CD59: variants seen among roughly 807,000 people sequenced by gnomAD.
The protein encoded by CD59 is CD59 molecule (CD59 blood group).
Under a neutral mutation model 7.0 loss-of-function variants are expected in CD59, and 3 were observed. The ratio of observed to expected loss-of-function variants is 0.43; its 90% CI spans 0.19 to 1.10. The LOEUF (loss-of-function observed/expected upper bound fraction) is 1.10, where lower values mean the gene tolerates loss of function less well. Among genes scored for constraint, CD59 ranks in the 50% least tolerant of loss-of-function variants. CD59 has a pLI of 0.29. For missense variants in CD59, 143 were observed against 151.0 expected, an observed-to-expected ratio of 0.95 and a Z score of 0.28; for synonymous variants, 60 against 62.0, an observed-to-expected ratio of 0.97 and a Z score of 0.15.
rs546978557 is a variant in CD59 at position 33,705,569 on chromosome 11, C to A, written c.*4557G>T. Reference sequence around the variant, plus strand: ...GCACCAGTGGGTTGGTTGCCAGGGGCTCTTGGGCCTTTGGCCACAGACTGA... The same window carrying A: ...GCACCAGTGGGTTGGTTGCCAGGGGATCTTGGGCCTTTGGCCACAGACTGA... On this transcript the variant is annotated 3_prime_UTR_variant, in exon 4 of 4. Transcript: ENST00000642928. 6.6e-6 allele frequency: 1 copy of A among 152,396 alleles called. No individual in the cohort carries two copies. Among genetic ancestry groups the A allele is most frequent in the South Asian group, 2.0e-4 (1 of 4,884 alleles). 9.4% of individuals were successfully genotyped at this position (152,396 alleles called of 1,614,324 possible). A position where few individuals can be genotyped will look rare whatever the true frequency, so the allele number is the denominator to read the frequency against.
rs1417403839 is a variant in CD59, at chr11:33,708,828, A to G, written c.*1298T>C. ...CCATAACCACATTCACCCACTTGTT[A>G]TATTTCATTTTCAGAAAAGCATCAT... is the stretch of plus-strand genomic sequence containing the variant. On this transcript the variant is annotated 3_prime_UTR_variant, in exon 4 of 4. Transcript: ENST00000642928. 6.6e-6 allele frequency: 1 copy of G among 152,190 alleles called. No individual in the cohort carries two copies. Among genetic ancestry groups the G allele is most frequent in the African/African-American group, 2.4e-5 (1 of 41,456 alleles). The allele number at this position is 152,190 out of a possible 1,614,324, so 9.4% of individuals were successfully genotyped here. A position where few individuals can be genotyped will look rare whatever the true frequency, so the allele number is the denominator to read the frequency against.
chr11:33,706,756 G>A lies in CD59; in HGVS notation c.*3370C>T, dbSNP rs1239746898. The stretch of plus-strand genomic sequence containing the variant: ...TCTGTTTACAGGAAGGCCTAACTAC[G>A]TCCTGTTCACCTCATGCTATTGGGT... On this transcript the variant is annotated 3_prime_UTR_variant, in exon 4 of 4. Transcript: ENST00000642928. 5 of 152,156 alleles carry A rather than the reference G, an allele frequency of 3.3e-5. No homozygotes were observed. In the East Asian group the frequency reaches 7.7e-4, roughly 23 times the overall value. The allele number at this position is 152,156 out of a possible 1,614,324, so 9.4% of individuals were successfully genotyped here. A position where few individuals can be genotyped will look rare whatever the true frequency, so the allele number is the denominator to read the frequency against.
chr11:33,722,473 A>C lies in CD59; in HGVS notation c.-18-10T>G. 1 of 1,613,430 alleles carries C rather than the reference A, an allele frequency of 6.2e-7. No homozygotes were observed. Among genetic ancestry groups the C allele is most frequent in the Non-Finnish European group, 8.5e-7 (1 of 1,179,588 alleles). ...TGATTGTCCACAGAACCTGGAAGGA[A>C]GGGACAGGAAGGAATGTCAGGAACG... On this transcript the variant is annotated splice_polypyrimidine_tract_variant and intron_variant, in intron 1 of 3. Transcript: ENST00000642928.
chr11:33,735,563 G>C (rs1854542186), intron 1 of CD59, among the ~76,000 whole-genome samples: 2 of 152,164 alleles, frequency 1.3e-5, no homozygotes, highest in South Asian at 4.1e-4. Flanking sequence ...TCAGCAGTCA[G>C]ACTCTAAGAA....
chr11:33,731,352 G>A (rs938297344), intron 1 of CD59: 1 of 151,628 alleles, frequency 6.6e-6, no homozygotes, highest in Non-Finnish European at 1.5e-5. Flanking sequence ...CAAAGAAATT[G>A]AACATAAAAC....
chr11:33,722,601 G>C, intron 1 of CD59, 138 bp from the exon 2 acceptor site: 2 of 1,519,494 alleles, frequency 1.3e-6, no homozygotes, highest in Non-Finnish European at 1.8e-6. Flanking sequence ...GAATCCCTGG[G>C]CCATGCCCCA....
At chr11:33,710,462 C>T (rs1476019851) in intron 3 of CD59, 119 bp from the exon 4 acceptor site, 3 of 795,518 alleles carry the variant, frequency 3.8e-6, no homozygotes, top group Admixed American at 2.0e-5. Context: ...AGGCAAGATG[C>T]TCATCCCAGG....
intron 2 of CD59, among the ~76,000 whole-genome samples, chr11:33,719,980 G>A (rs1401411098): frequency 6.6e-6 from 1 of 152,194 alleles, no homozygotes; most frequent in Non-Finnish European, 1.5e-5. Context: ...ATGTTTGAGG[G>A]CCATTTTAAA....
chr11:33,726,140 G>A (rs1409847115), intron 1 of CD59, among the ~76,000 whole-genome samples: 1 of 152,124 alleles, frequency 6.6e-6, no homozygotes, highest in Admixed American at 6.5e-5. Context: ...AAATTAACAA[G>A]GATATCCAGG....
rs552304054 is a variant in CD59, at chr11:33,720,694, G to A, written c.67+1685C>T. Among the ~76,000 whole-genome samples the A allele has an allele frequency of 1.8e-4, 28 of 152,204 alleles. 1 individual carries two copies. The South Asian group carries it at 5.4e-3, about 29-fold the overall frequency. On this transcript the variant is annotated intron_variant, in intron 2 of 3. Coordinates refer to ENST00000642928, the MANE Select transcript of CD59 (RefSeq NM_000611.6). ...CAGTGAGCCGAGATCGCGCCACTGCGCTCCAGCCTGGGCGACAGAGTGAGA... is the reference window on the plus strand; with the variant it reads ...CAGTGAGCCGAGATCGCGCCACTGCACTCCAGCCTGGGCGACAGAGTGAGA...
At position 33,707,716 on chromosome 11, in the gene CD59, G is replaced by C. The variant is rs962616938; in HGVS notation, c.*2410C>G. On this transcript the variant is annotated 3_prime_UTR_variant, in exon 4 of 4. Coordinates refer to ENST00000642928, the MANE Select transcript of CD59 (RefSeq NM_000611.6). ...ACAGACACATGAATCCCTCTTCGTT[G>C]ATCAGGGTCAGTTGGAGGATGTAGC... 1 of 152,244 alleles carries C rather than the reference G, an allele frequency of 6.6e-6. No homozygotes were observed. The highest frequency in any genetic ancestry group is 1.5e-5 in the Non-Finnish European group (1 of 68,048). 9.4% of individuals were successfully genotyped at this position (152,244 alleles called of 1,614,324 possible).
chr11:33,725,888 C>A (rs1233431066), intron 1 of CD59, among the ~76,000 whole-genome samples: 1 of 152,068 alleles, frequency 6.6e-6, no homozygotes, highest in Non-Finnish European at 1.5e-5. Context: ...CAATCCTAGT[C>A]TCTGATAAAA....
intron 3 of CD59, among the ~76,000 whole-genome samples, chr11:33,714,787 G>T (rs1260802549): frequency 6.6e-6 from 1 of 151,926 alleles, no homozygotes; most frequent in Non-Finnish European, 1.5e-5. Flanking sequence ...TCCTACATAG[G>T]GTCTGGATCA....
intron 2 of CD59, chr11:33,719,314 T>C (rs945282784): frequency 6.6e-6 from 1 of 152,200 alleles, no homozygotes; most frequent in Non-Finnish European, 1.5e-5. Flanking sequence ...CTTGAAATAT[T>C]AGTTTTAAAA....
chr11:33,720,996 G>A (rs1218909914), intron 2 of CD59, among the ~76,000 whole-genome samples: 1 of 152,216 alleles, frequency 6.6e-6, no homozygotes, highest in Non-Finnish European at 1.5e-5. Flanking sequence ...ATGGTCCCAA[G>A]CTTGCTCCAT....
chr11:33,710,719 T>TTC (rs201647343), intron 3 of CD59, among the ~76,000 whole-genome samples: 56 of 136,424 alleles, frequency 4.1e-4, no homozygotes, highest in African/African-American at 1.6e-3. Flanking sequence ...TTTCCTTTTC[T>TTC]TTTCTTTTTT....
chr11:33,717,669 A>G (rs958154553), intron 2 of CD59, 198 bp from the exon 3 acceptor site: 8 of 579,158 alleles, frequency 1.4e-5, no homozygotes, highest in Non-Finnish European at 2.5e-5. Context: ...TGCAAGCACA[A>G]AGGAAATATC....
intron 1 of CD59, among the ~76,000 whole-genome samples, chr11:33,724,036 G>T (rs1854176605): frequency 6.6e-6 from 1 of 152,176 alleles, no homozygotes; most frequent in Admixed American, 6.5e-5. Flanking sequence ...TTGAGCCCAG[G>T]AGGTAAAGGC....
chr11:33,718,314 C>G (rs1853892440), intron 2 of CD59: 1 of 152,274 alleles, frequency 6.6e-6, no homozygotes, highest in South Asian at 2.1e-4. Context: ...GAAACCCCAT[C>G]TCTACTAAAA....
Sources: allele counts gnomAD v4.1 joint callset (sites outside exome capture counted in the v4.1 genomes callset), GRCh38; gene constraint gnomAD v4.1.1; transcripts MANE v1.5; gene names NCBI Gene and HGNC (gene_info 2026-07-23, HGNC 2026-07-21).